Variants in POLR1H observed in about 807,000 individuals in gnomAD.
The protein encoded by POLR1H is DNA-directed RNA polymerase I subunit RPA12.
Under a neutral mutation model 15.8 loss-of-function variants are expected in POLR1H, and 5 were observed. The observed-to-expected ratio is 0.32, with a 90% CI of 0.17 to 0.67. POLR1H has a LOEUF of 0.67. Among genes scored for constraint, POLR1H ranks in the 30% least tolerant of loss-of-function variants. POLR1H has a pLI of 0.74. For missense variants in POLR1H, 100 were observed against 163.4 expected, an observed-to-expected ratio of 0.61 and a Z score of 2.11; for synonymous variants, 43 against 58.3, an observed-to-expected ratio of 0.74 and a Z score of 1.20.
In POLR1H at chr6:30,063,838, T is replaced by TA. The variant is rs1209570985; in HGVS notation, c.357-834dup. On this transcript the variant is annotated intron_variant, in intron 3 of 3. Transcript: ENST00000332435. The surrounding 1 kb of genome is among the most constrained non-coding windows in gnomAD (Gnocchi z 4.1). ...CATGTTTTTTGGAGCAGACAGATAG[T>TA]ATGAATTTGAGCTGCAAATCCATGT... Among the ~76,000 whole-genome samples, 6 of 152,228 alleles carry TA rather than the reference T, an allele frequency of 3.9e-5. No individual in the cohort carries two copies. Among genetic ancestry groups the TA allele is most frequent in the Non-Finnish European group, 7.3e-5 (5 of 68,038 alleles).
chr6:30,061,622 A>T lies in POLR1H; in HGVS notation c.98A>T (p.Gln33Leu), dbSNP rs144167382. ...CGSVLPLPGA[Q>L]DTVTCIRCGF... ...TCGGTCCTGCCTCTGCCCGGGGCTC[A>T]GGATACGGTCACCTGTATTCGCTGT... Residue 33 changes from glutamine to leucine, a missense_variant, in exon 1 of 4, where the codon CAG becomes CTG. By Grantham distance (113) the Gln-to-Leu change is moderately radical. Around this residue, in one of 2 missense-constraint regions of POLR1H, gnomAD observed 87 missense variants for 119.8 expected, o/e 0.73. Transcript: ENST00000332435. The surrounding 1 kb of genome is among the most constrained non-coding windows in gnomAD (Gnocchi z 5.0). The T allele has an allele frequency of 4.3e-6, 7 of 1,612,936 alleles. No individual in the cohort carries two copies. Among genetic ancestry groups the T allele is most frequent in the Non-Finnish European group, 5.9e-6 (7 of 1,180,050 alleles).
Position 30,063,701 on chromosome 6 carries a change from T to A in POLR1H, c.357-972T>A, listed in dbSNP as rs541162769. Among the ~76,000 whole-genome samples, 2 of 152,310 alleles carry A rather than the reference T, an allele frequency of 1.3e-5. No homozygotes were observed. Among genetic ancestry groups the A allele is most frequent in the South Asian group, 4.1e-4 (2 of 4,826 alleles). On this transcript the variant is annotated intron_variant, in intron 3 of 3. Transcript: ENST00000332435. This position sits in a 1 kb window ranked among gnomAD's most constrained non-coding sequence, Gnocchi z 4.1. ...TTCGAGTTTTTTAGAACTTGAACTG[T>A]AGGAATTCTTTGAGGCCTTGGGCGA... is the stretch of plus-strand genomic sequence containing the variant.
intron 3 of POLR1H, 52 bp downstream of exon 3, chr6:30,062,385 TC>T: frequency 7.9e-7 from 1 of 1,273,568 alleles, no homozygotes; most frequent in Non-Finnish European, 1.1e-6. Flanking sequence ...ACTAAACAAA[TC>T]CAGTGATTTA....
In POLR1H at chr6:30,061,629, G is replaced by C; in HGVS notation, c.105G>C (p.Thr35=). 1 of 1,613,052 alleles carries C rather than the reference G, an allele frequency of 6.2e-7. No homozygotes were observed. The highest frequency in any genetic ancestry group is 8.5e-7 in the Non-Finnish European group (1 of 1,180,046). ...SVLPLPGAQD[T]VTCIRCGFNI... ...TGCCTCTGCCCGGGGCTCAGGATACGGTCACCTGTATTCGCTGTGGCTTCA... is the reference window on the plus strand; with the variant it reads ...TGCCTCTGCCCGGGGCTCAGGATACCGTCACCTGTATTCGCTGTGGCTTCA... The change falls in exon 1 of 4, where the codon ACG becomes ACC. Residue 35 remains threonine, a synonymous_variant. Coordinates refer to ENST00000332435, the MANE Select transcript of POLR1H (RefSeq NM_170783.4). This position sits in a 1 kb window ranked among gnomAD's most constrained non-coding sequence, Gnocchi z 5.0.
chr6:30,062,794 ACTT>A lies in POLR1H; in HGVS notation c.356+464_356+466del, dbSNP rs1456957779. 2.1e-4 allele frequency among the ~76,000 whole-genome samples: 27 copies of A among 129,616 alleles called. No homozygotes were observed. In the South Asian group the frequency reaches 6.3e-3, roughly 30 times the overall value. 85.0% of individuals were successfully genotyped at this position (129,616 alleles called of 152,430 possible). On this transcript the variant is annotated intron_variant, in intron 3 of 3. Transcript: ENST00000332435. Reference sequence around the variant, plus strand: ...TCTATGTTTCCCAGGCTGGTCTTGAACTTCTGAGCTCAAGTGATCCACCCACCT... The same window carrying A: ...TCTATGTTTCCCAGGCTGGTCTTGAACTGAGCTCAAGTGATCCACCCACCT...
In POLR1H at chr6:30,064,742, G is replaced by A; in HGVS notation, c.*45G>A. On this transcript the variant is annotated 3_prime_UTR_variant, in exon 4 of 4. Transcript: ENST00000332435. The stretch of plus-strand genomic sequence containing the variant: ...TACAGTCCCTCCCTCCTTTCGGAAG[G>A]TGAAGGATACTGGGTTTTTAGATGC... 6.3e-7 allele frequency: 1 copy of A among 1,587,658 alleles called. No homozygotes were observed. The highest frequency in any genetic ancestry group is 8.6e-7 in the Non-Finnish European group (1 of 1,163,882).
rs1388794039 is a variant in POLR1H at position 30,061,683 on chromosome 6, A to G, written c.145+14A>G. Reference sequence around the variant, plus strand: ...TCAACGTTCGGGGTGAGAGGCTTGTACGCAGGGGTCCTGGCGGAGGGCGCA... The same window carrying G: ...TCAACGTTCGGGGTGAGAGGCTTGTGCGCAGGGGTCCTGGCGGAGGGCGCA... On this transcript the variant is annotated intron_variant, in intron 1 of 3. Coordinates refer to ENST00000332435, the MANE Select transcript of POLR1H (RefSeq NM_170783.4). This position sits in a 1 kb window ranked among gnomAD's most constrained non-coding sequence, Gnocchi z 5.0. 1.2e-6 allele frequency: 2 copies of G among 1,612,780 alleles called. No individual in the cohort carries two copies. Among genetic ancestry groups the G allele is most frequent in the East Asian group, 4.5e-5 (2 of 44,866 alleles).
intron 3 of POLR1H, among the ~76,000 whole-genome samples, chr6:30,062,577 G>A (rs1227779395): frequency 1.7e-5 from 2 of 116,362 alleles, no homozygotes; most frequent in African/African-American, 6.5e-5. Flanking sequence ...TTTTGACAGG[G>A]TGTCGCTCTG....
intron 3 of POLR1H, among the ~76,000 whole-genome samples, chr6:30,062,901 G>GA (rs28383815): frequency 0.092 from 13,221 of 143,150 alleles, 613 homozygotes; most frequent in African/African-American, 0.13. Context: ...AGGAAATGAA[G>GA]AAAAAAAAAA....
chr6:30,060,822 C>T (rs1764967478), upstream of POLR1H: 1 of 152,240 alleles, frequency 6.6e-6, no homozygotes, highest in South Asian at 2.1e-4. Context: ...CAGCGGGACC[C>T]AAGGAACGCT....
At chr6:30,062,786 G>C (rs1765216481) in intron 3 of POLR1H, among the ~76,000 whole-genome samples, 1 of 131,882 alleles carries the variant, frequency 7.6e-6, no homozygotes, top group African/African-American at 2.9e-5. Flanking sequence ...TTCCCAGGCT[G>C]GTCTTGAACT....
chr6:30,061,388 A>T lies in POLR1H; in HGVS notation c.-137A>T. 1 of 934,742 alleles carries T rather than the reference A, an allele frequency of 1.1e-6. No homozygotes were observed. The highest frequency in any genetic ancestry group is 1.6e-6 in the Non-Finnish European group (1 of 641,892). 57.9% of individuals were successfully genotyped at this position (934,742 alleles called of 1,614,324 possible). A position where few individuals can be genotyped will look rare whatever the true frequency, so the allele number is the denominator to read the frequency against. On this transcript the variant is annotated 5_prime_UTR_variant, in exon 1 of 4. Coordinates refer to ENST00000332435, the MANE Select transcript of POLR1H (RefSeq NM_170783.4). The surrounding 1 kb of genome is among the most constrained non-coding windows in gnomAD (Gnocchi z 5.0). ...GGGCGTTTCGGCTCCTTGGTCGCAG[A>T]GGCAGGAGGCGTGCGTGGCAGGAGG...
Position 30,064,745 on chromosome 6 carries a change from A to C in POLR1H, c.*48A>C, listed in dbSNP as rs8321. The stretch of plus-strand genomic sequence containing the variant: ...AGTCCCTCCCTCCTTTCGGAAGGTG[A>C]AGGATACTGGGTTTTTAGATGCCTT... On this transcript the variant is annotated 3_prime_UTR_variant, in exon 4 of 4. Coordinates refer to ENST00000332435, the MANE Select transcript of POLR1H (RefSeq NM_170783.4). The C allele has an allele frequency of 0.095, 149,924 of 1,578,700 alleles. 9,280 individuals carry two copies. Among genetic ancestry groups the C allele is most frequent in the Non-Finnish European group, 0.12 (138,394 of 1,156,106 alleles).
chr6:30,064,523 G>T, intron 3 of POLR1H, 150 bp from the exon 4 acceptor site: 1 of 569,728 alleles, frequency 1.8e-6, no homozygotes, highest in East Asian at 3.1e-5. Flanking sequence ...AGTTGTCTTG[G>T]AATTAGAATT....
At chr6:30,064,612 A>T (rs1765362103) in intron 3 of POLR1H, 61 bp from the exon 4 acceptor site, 1 of 1,502,156 alleles carries the variant, frequency 6.7e-7, no homozygotes, top group Non-Finnish European at 9.1e-7. Flanking sequence ...TGCATATCTT[A>T]TCTTATACTA....
In POLR1H at chr6:30,062,325, C is replaced by T; in HGVS notation, c.348C>T (p.Thr116=). The T allele has an allele frequency of 6.2e-7, 1 of 1,608,472 alleles. No homozygotes were observed. Residue 116 remains threonine (T), a synonymous_variant, in exon 3 of 4, where the codon ACC becomes ACT. Transcript: ENST00000332435. ...DEGQTVFYTC[T]NCKFQEKEDS is the part of the protein sequence containing the mutation. ...GGCAAACTGTCTTCTACACCTGTACCAACTGCAAGTGAGTATTCTTTCCCC... is the reference window on the plus strand; with the variant it reads ...GGCAAACTGTCTTCTACACCTGTACTAACTGCAAGTGAGTATTCTTTCCCC...
At chr6:30,062,387 C>T (rs1338269615) in intron 3 of POLR1H, 54 bp downstream of exon 3, 3 of 1,263,446 alleles carry the variant, frequency 2.4e-6, no homozygotes, top group South Asian at 2.4e-5. Context: ...TAAACAAATC[C>T]AGTGATTTAT....
rs751031124 is a variant in POLR1H at position 30,061,476 on chromosome 6, TTCTC to T, written c.-45_-42del. On this transcript the variant is annotated 5_prime_UTR_variant, in exon 1 of 4. Transcript: ENST00000332435. The surrounding 1 kb of genome is among the most constrained non-coding windows in gnomAD (Gnocchi z 5.0). ...GTTACGACCTCTGGGACAGGAACTCTTCTCTCTTTTGTTAATAAACTTCCAACTC... is the reference window on the plus strand; with the variant it reads ...GTTACGACCTCTGGGACAGGAACTCTTCTTTTGTTAATAAACTTCCAACTC... The T allele has an allele frequency of 3.2e-5, 52 of 1,603,612 alleles. No homozygotes were observed. The highest frequency in any genetic ancestry group is 4.2e-5 in the Non-Finnish European group (49 of 1,173,540).
At chr6:30,062,634 T>A (rs1765186456) in intron 3 of POLR1H, among the ~76,000 whole-genome samples, 1 of 125,534 alleles carries the variant, frequency 8.0e-6, no homozygotes, top group Non-Finnish European at 1.6e-5. Context: ...CACTGCAACC[T>A]CCGCCTCCTG....
Sources: allele counts gnomAD v4.1 joint callset (sites outside exome capture counted in the v4.1 genomes callset), GRCh38; gene constraint gnomAD v4.1.1; regional missense constraint gnomAD v4.1.1; non-coding constraint Gnocchi (gnomAD v3.1); transcripts MANE v1.5; gene names NCBI Gene and HGNC (gene_info 2026-07-23, HGNC 2026-07-21).